Variants in CELF5 observed in about 807,000 individuals in gnomAD.
The protein encoded by CELF5 is CUG-BP and ETR-3 like factor 5.
CELF5 carries 6 observed loss-of-function variants against 54.9 expected under a neutral mutation model. That is an observed-to-expected ratio of 0.11 (90% CI 0.06 to 0.22). The LOEUF (loss-of-function observed/expected upper bound fraction) is 0.22. CELF5 is among the 10% of genes least tolerant of loss of function. The pLI is 1.00. For missense variants in CELF5, 401 were observed against 678.6 expected, an observed-to-expected ratio of 0.59 and a Z score of 4.54; for synonymous variants, 271 against 290.9, an observed-to-expected ratio of 0.93 and a Z score of 0.70.
At chr19:3,248,791 C>A (rs1219824671) in intron 1 of CELF5, among the ~76,000 whole-genome samples, 3 of 152,140 alleles carry the variant, frequency 2.0e-5, no homozygotes, top group Non-Finnish European at 1.5e-5. Flanking sequence ...GAGGAACTGT[C>A]AAACTGTTTT....
chr19:3,243,774 C>T (rs1229098545), intron 1 of CELF5, among the ~76,000 whole-genome samples: 2 of 152,088 alleles, frequency 1.3e-5, no homozygotes, highest in East Asian at 1.9e-4. Flanking sequence ...TGTGAGGGAG[C>T]GTTTATTCCA....
Position 3,224,730 on chromosome 19 carries a change from C to T in CELF5, c.-10C>T, listed in dbSNP as rs1455466659. ...GCCGCCGCCGCCGCCGGCTCGGTCC[C>T]GCGCCCGCCATGGCCCGCCTGACGG... On this transcript the variant is annotated 5_prime_UTR_variant, in exon 1 of 13. Coordinates refer to ENST00000292672, the MANE Select transcript of CELF5 (RefSeq NM_021938.4). 2.0e-5 allele frequency: 24 copies of T among 1,215,838 alleles called. No individual in the cohort carries two copies. Among genetic ancestry groups the T allele is most frequent in the Non-Finnish European group, 2.2e-5 (21 of 967,408 alleles). 75.3% of individuals were successfully genotyped at this position (1,215,838 alleles called of 1,614,324 possible).
intron 1 of CELF5, among the ~76,000 whole-genome samples, chr19:3,247,553 C>T (rs1273957388): frequency 3.3e-5 from 5 of 151,408 alleles, no homozygotes; most frequent in African/African-American, 7.3e-5. Flanking sequence ...TGAGCCACTG[C>T]GCCCGGTCTC....
intron 9 of CELF5, among the ~76,000 whole-genome samples, chr19:3,285,444 T>C (rs2080225247): frequency 7.1e-6 from 1 of 140,820 alleles, no homozygotes; most frequent in Non-Finnish European, 1.6e-5. Flanking sequence ...CGCCCTCTGC[T>C]GCGGCCCCGC....
At chr19:3,256,240 T>C (rs2079724146) in intron 2 of CELF5, among the ~76,000 whole-genome samples, 1 of 152,056 alleles carries the variant, frequency 6.6e-6, no homozygotes, top group African/African-American at 2.4e-5. Flanking sequence ...GCCTGGAGAA[T>C]TTCTACCTTA....
chr19:3,280,794 C>T (rs1344787714), intron 5 of CELF5, among the ~76,000 whole-genome samples: 5 of 152,090 alleles, frequency 3.3e-5, no homozygotes, highest in Non-Finnish European at 5.9e-5. Flanking sequence ...ATGGCAGGTT[C>T]GTCCACCTGA....
At position 3,268,106 on chromosome 19, in the gene CELF5, C is replaced by G. The variant is rs1372099265; in HGVS notation, c.343-5766C>G. On this transcript the variant is annotated intron_variant, in intron 2 of 12. Coordinates refer to ENST00000292672, the MANE Select transcript of CELF5 (RefSeq NM_021938.4). This position sits in a 1 kb window ranked among gnomAD's most constrained non-coding sequence, Gnocchi z 4.4. ...CTCGGCCTCCTGGGTTCAAGCAATT[C>G]TTCTGCCTCAGCCTCCCGAGTAGCT... Among the ~76,000 whole-genome samples the G allele has an allele frequency of 6.6e-6, 1 of 152,168 alleles. No homozygotes were observed. Among genetic ancestry groups the G allele is most frequent in the Non-Finnish European group, 1.5e-5 (1 of 68,044 alleles).
rs994598494 is a variant in CELF5, at chr19:3,282,640, G to A, written c.1039+142G>A. 7 of 934,534 alleles carry A rather than the reference G, an allele frequency of 7.5e-6. No individual in the cohort carries two copies. The African/African-American group carries it at 1.2e-4, about 15-fold the overall frequency. 57.9% of individuals were successfully genotyped at this position (934,534 alleles called of 1,614,324 possible). On this transcript the variant is annotated intron_variant, in intron 8 of 12. Coordinates refer to ENST00000292672, the MANE Select transcript of CELF5 (RefSeq NM_021938.4). This position sits in a 1 kb window ranked among gnomAD's most constrained non-coding sequence, Gnocchi z 5.2. ...GGGTGTCTCCGCTGAGCAGATAAGA[G>A]CTGTGGACACAGGAAGGGAGGCCGT...
chr19:3,263,675 C>G (rs368889733), intron 2 of CELF5, among the ~76,000 whole-genome samples: 2 of 152,020 alleles, frequency 1.3e-5, no homozygotes, highest in East Asian at 1.9e-4. Context: ...GAGGCTGAGG[C>G]GGGTGGATCA....
intron 2 of CELF5, among the ~76,000 whole-genome samples, chr19:3,261,419 GA>G (rs929086456): frequency 2.2e-4 from 31 of 138,318 alleles, no homozygotes; most frequent in African/African-American, 3.7e-4. Context: ...CTCCATCTCA[GA>G]AAAAAAAAAA....
chr19:3,247,061 G>A (rs2079576947), intron 1 of CELF5, among the ~76,000 whole-genome samples: 1 of 152,196 alleles, frequency 6.6e-6, no homozygotes, highest in Non-Finnish European at 1.5e-5. Context: ...GGTTACCCCT[G>A]CAGGATGGAG....
intron 4 of CELF5, among the ~76,000 whole-genome samples, chr19:3,276,688 G>C (rs1027128046): frequency 2.0e-5 from 3 of 148,100 alleles, no homozygotes; most frequent in Non-Finnish European, 4.5e-5. Context: ...GGGCGGGGCT[G>C]CGGTGGGGTG....
At chr19:3,254,918 C>T (rs372063052) in intron 2 of CELF5, among the ~76,000 whole-genome samples, 1 of 151,872 alleles carries the variant, frequency 6.6e-6, no homozygotes, top group East Asian at 1.9e-4. Context: ...TCCATTCATT[C>T]ATCACTCACT....
At chr19:3,231,478 ATGGATGGATGGATGGG>A (rs1283869746) in intron 1 of CELF5, among the ~76,000 whole-genome samples, 6 of 148,452 alleles carry the variant, frequency 4.0e-5, no homozygotes, top group African/African-American at 1.3e-4. Context: ...GGATGGATGG[ATGGATGGATGGATGGG>A]TGGATGAATG....
intron 1 of CELF5, among the ~76,000 whole-genome samples, chr19:3,242,964 A>AAATAAT (rs144976289): frequency 5.8e-4 from 87 of 149,984 alleles, no homozygotes; most frequent in African/African-American, 7.6e-4. Flanking sequence ...ACTCCATCTC[A>AAATAAT]AATAATAATA....
chr19:3,276,651 C>A (rs1203521630), intron 4 of CELF5, among the ~76,000 whole-genome samples: 5 of 132,990 alleles, frequency 3.8e-5, no homozygotes, highest in African/African-American at 1.3e-4. Flanking sequence ...TCTCTGCATG[C>A]TGGCTGTGGG....
chr19:3,255,435 C>T (rs1005167964), intron 2 of CELF5, among the ~76,000 whole-genome samples: 14 of 152,186 alleles, frequency 9.2e-5, no homozygotes, highest in Admixed American at 1.3e-4. Flanking sequence ...CCACCTGCCT[C>T]GGCCTCCCAA....
intron 1 of CELF5, among the ~76,000 whole-genome samples, chr19:3,248,197 C>G (rs1360795287): frequency 6.6e-6 from 1 of 152,148 alleles, no homozygotes; most frequent in East Asian, 1.9e-4. Flanking sequence ...ACTCTGTTGC[C>G]TAGGCTGGAT....
chr19:3,275,401 A>T lies in CELF5; in HGVS notation c.395-455A>T, dbSNP rs2080030972. On this transcript the variant is annotated intron_variant, in intron 3 of 12. Coordinates refer to ENST00000292672, the MANE Select transcript of CELF5 (RefSeq NM_021938.4). This position sits in a 1 kb window ranked among gnomAD's most constrained non-coding sequence, Gnocchi z 6.7. ...TGCTGGGCACCGTGAAAGTGCGGGG[A>T]CCATCAGTGCCCACCTCCGCCTGGC... Among the ~76,000 whole-genome samples, 1 of 152,200 alleles carries T rather than the reference A, an allele frequency of 6.6e-6. No homozygotes were observed. The highest frequency in any genetic ancestry group is 1.5e-5 in the Non-Finnish European group (1 of 68,032).
Sources: gnomAD v4.1 joint callset for allele counts (sites outside exome capture counted in the v4.1 genomes callset) on GRCh38, gnomAD v4.1.1 for gene constraint, Gnocchi (gnomAD v3.1) non-coding constraint, MANE v1.5 for transcripts, NCBI Gene and HGNC (gene_info 2026-07-23, HGNC 2026-07-21) for gene names.